USP15: variants seen among roughly 807,000 people sequenced by gnomAD.
The protein encoded by USP15 is ubiquitin carboxyl-terminal hydrolase 15.
In USP15, 18 loss-of-function variants were observed where a neutral mutation model predicts 127.1. That is an observed-to-expected ratio of 0.14 (90% CI 0.10 to 0.21). USP15 has a LOEUF of 0.21. USP15 is among the 10% of genes least tolerant of loss of function. USP15 has a pLI of 1.00. For missense variants in USP15, 805 were observed against 1,159.9 expected, an observed-to-expected ratio of 0.69 and a Z score of 4.44; for synonymous variants, 364 against 393.7, an observed-to-expected ratio of 0.92 and a Z score of 0.89.
chr12:62,290,905 GTTTT>G (rs999801511), intron 1 of USP15, among the ~76,000 whole-genome samples: 1 of 149,290 alleles, frequency 6.7e-6, no homozygotes, highest in African/African-American at 2.5e-5. Flanking sequence ...CAGGTTGACA[GTTTT>G]TTTTTTCTTT....
chr12:62,392,474 C>A, intron 18 of USP15, 87 bp downstream of exon 18: 1 of 931,912 alleles, frequency 1.1e-6, no homozygotes, highest in Non-Finnish European at 1.6e-6. Flanking sequence ...AAAGTAATTA[C>A]TAAATTCTCT....
chr12:62,275,721 A>C (rs982084835), intron 1 of USP15, among the ~76,000 whole-genome samples: 2 of 152,106 alleles, frequency 1.3e-5, no homozygotes, highest in African/African-American at 4.8e-5. Flanking sequence ...TCCACAGCAT[A>C]GGAGCAAAAA....
rs2063268226 is a variant in USP15, at chr12:62,268,875, C to G, written c.89+8372C>G. Among the ~76,000 whole-genome samples the G allele has an allele frequency of 3.3e-5, 5 of 152,142 alleles. No homozygotes were observed. The South Asian group carries it at 1.0e-3, about 32-fold the overall frequency. ...TCAATTTTGGAATCCAAAAAGGAAC[C>G]TCATACCCATTAATAGTCACCTCCC... On this transcript the variant is annotated intron_variant, in intron 1 of 21. Transcript: ENST00000280377.
In USP15 at chr12:62,381,630, A is replaced by G. The variant is rs199681252; in HGVS notation, c.1056A>G (p.Gly352=). The G allele has an allele frequency of 6.2e-7, 1 of 1,612,604 alleles. No homozygotes were observed. Among genetic ancestry groups the G allele is most frequent in the African/African-American group, 1.3e-5 (1 of 74,986 alleles). ...YAELIKQMWS[G]KFSYVTPRAF... ...AACTGATCAAGCAAATGTGGTCTGG[A>G]AAGTTTAGCTACGTCACCCCAAGAG... Residue 352 remains glycine, a synonymous_variant, in exon 9 of 22, where the codon GGA becomes GGG. Transcript: ENST00000280377.
At chr12:62,325,607 A>G (rs1397972154) in intron 5 of USP15, among the ~76,000 whole-genome samples, 2 of 152,080 alleles carry the variant, frequency 1.3e-5, no homozygotes, top group Non-Finnish European at 1.5e-5. Flanking sequence ...GTTTTCTTAT[A>G]CTTAATGGAA....
chr12:62,304,129 T>C (rs2064406183), intron 3 of USP15, among the ~76,000 whole-genome samples: 1 of 152,100 alleles, frequency 6.6e-6, no homozygotes, highest in Non-Finnish European at 1.5e-5. Flanking sequence ...ACACTAGCGG[T>C]CTTCAGTATG....
rs1449530923 is a variant in USP15, at chr12:62,412,837, C to T, written c.*8462C>T. 1.3e-5 allele frequency: 2 copies of T among 152,172 alleles called. No individual in the cohort carries two copies. Among genetic ancestry groups the T allele is most frequent in the African/African-American group, 4.8e-5 (2 of 41,424 alleles). The allele number at this position is 152,172 out of a possible 1,614,324, so 9.4% of individuals were successfully genotyped here. A position where few individuals can be genotyped will look rare whatever the true frequency, so the allele number is the denominator to read the frequency against. ...AAAGTTGTAATTAACTTCTTTCAAA[C>T]TCTTGTTAATGTTGATATTTTGACT... On this transcript the variant is annotated 3_prime_UTR_variant, in exon 22 of 22. Coordinates refer to ENST00000280377, the MANE Select transcript of USP15 (RefSeq NM_001252078.2).
chr12:62,314,127 T>C, intron 3 of USP15: 1 of 533,048 alleles, frequency 1.9e-6, no homozygotes, highest in Non-Finnish European at 2.4e-6. Context: ...CAGCTTTCTT[T>C]TAATTGCTGC....
In USP15 at chr12:62,407,237, T is replaced by G. The variant is rs1200811559; in HGVS notation, c.*2862T>G. 1.3e-5 allele frequency: 2 copies of G among 152,226 alleles called. No homozygotes were observed. The highest frequency in any genetic ancestry group is 2.1e-4 in the South Asian group (1 of 4,826). 9.4% of individuals were successfully genotyped at this position (152,226 alleles called of 1,614,324 possible). ...ATAGTTGTCATCCCCATTTTTCATA[T>G]GAAGAAACCAAGATACAAAGCATTT... On this transcript the variant is annotated 3_prime_UTR_variant, in exon 22 of 22. Transcript: ENST00000280377.
At chr12:62,358,609 G>A (rs533681909) in intron 8 of USP15, among the ~76,000 whole-genome samples, 4 of 152,114 alleles carry the variant, frequency 2.6e-5, no homozygotes, top group South Asian at 2.1e-4. Context: ...CAAGCTACTC[G>A]GGAGGCTAAG....
At chr12:62,382,740 T>C (rs1176576114) in intron 9 of USP15, among the ~76,000 whole-genome samples, 1 of 151,918 alleles carries the variant, frequency 6.6e-6, no homozygotes, top group Non-Finnish European at 1.5e-5. Flanking sequence ...AACATTAATG[T>C]TTCTGTTATC....
At chr12:62,303,841 T>C (rs1454123672) in intron 3 of USP15, among the ~76,000 whole-genome samples, 1 of 152,318 alleles carries the variant, frequency 6.6e-6, no homozygotes, top group Non-Finnish European at 1.5e-5. Context: ...TGTTTAGTTT[T>C]ATTCCTTAGT....
chr12:62,285,138 A>G (rs1031131350), intron 1 of USP15, among the ~76,000 whole-genome samples: 2 of 152,158 alleles, frequency 1.3e-5, no homozygotes, highest in Admixed American at 6.5e-5. Context: ...AGGGACTACA[A>G]ATGCAGTTTT....
At position 62,294,362 on chromosome 12, in the gene USP15, A is replaced by G. The variant is rs2064066309; in HGVS notation, c.217+56A>G. Reference sequence around the variant, plus strand: ...AAATGTGTTAAATTTCATTATATAAATGTCAGTGGGTTGAATTTGGAAAAT... The same window carrying G: ...AAATGTGTTAAATTTCATTATATAAGTGTCAGTGGGTTGAATTTGGAAAAT... On this transcript the variant is annotated intron_variant, in intron 2 of 21. Transcript: ENST00000280377. The G allele has an allele frequency of 1.9e-6, 3 of 1,563,272 alleles. No homozygotes were observed. The Admixed American group carries it at 6.4e-5, about 33-fold the overall frequency.
intron 6 of USP15, chr12:62,335,534 A>G (rs964868463): frequency 3.2e-5 from 35 of 1,088,270 alleles, no homozygotes; most frequent in Non-Finnish European, 3.8e-5. Context: ...TTCTTTTATT[A>G]TCTCCTCTCT....
chr12:62,284,433 C>T (rs1182255221), intron 1 of USP15, among the ~76,000 whole-genome samples: 1 of 152,164 alleles, frequency 6.6e-6, no homozygotes. Flanking sequence ...AATACTGGTA[C>T]ATAGATAATT....
intron 8 of USP15, among the ~76,000 whole-genome samples, chr12:62,357,628 T>C (rs2066173712): frequency 6.6e-6 from 1 of 152,130 alleles, no homozygotes; most frequent in South Asian, 2.1e-4. Context: ...ATTATAGCTT[T>C]ATTTAGTTGG....
At chr12:62,284,069 C>A (rs903785896) in intron 1 of USP15, among the ~76,000 whole-genome samples, 4 of 152,130 alleles carry the variant, frequency 2.6e-5, no homozygotes, top group African/African-American at 9.7e-5. Context: ...TTTAGCAAAA[C>A]ATGATTTTTA....
At chr12:62,329,457 A>G (rs1269362750) in intron 6 of USP15, among the ~76,000 whole-genome samples, 1 of 152,254 alleles carries the variant, frequency 6.6e-6, no homozygotes, top group Non-Finnish European at 1.5e-5. Flanking sequence ...GTTCAAATTT[A>G]GTAGATCTGA....
Sources: allele counts gnomAD v4.1 joint callset (sites outside exome capture counted in the v4.1 genomes callset), GRCh38; gene constraint gnomAD v4.1.1; transcripts MANE v1.5; gene names NCBI Gene and HGNC (gene_info 2026-07-23, HGNC 2026-07-21).